AOPEP: variants seen among roughly 807,000 people sequenced by gnomAD.
AOPEP encodes aminopeptidase O (putative).
A neutral mutation model predicts 98.1 loss-of-function variants in AOPEP; 77 were observed. The observed-to-expected ratio is 0.78, with a 90% CI of 0.65 to 0.95. The LOEUF (loss-of-function observed/expected upper bound fraction) is 0.95, where lower values mean the gene tolerates loss of function less well. AOPEP is among the 40% of genes least tolerant of loss of function. The probability of loss-of-function intolerance (pLI) is 0.00; values close to 1 mark genes in which losing one functional copy is unlikely to be tolerated. For missense variants in AOPEP, 1,024 were observed against 1,024.7 expected (o/e 1.00, Z 0.01); for synonymous variants, 346 against 365.3 (o/e 0.95, Z 0.60).
intron 13 of AOPEP, among the ~76,000 whole-genome samples, chr9:95,046,607 A>T (rs575439597): frequency 7.9e-5 from 12 of 152,342 alleles, no homozygotes; most frequent in African/African-American, 2.4e-4. Flanking sequence ...ACACGAAGAG[A>T]TCGACCCAGC....
At chr9:95,017,188 C>T (rs962702553) in intron 13 of AOPEP, among the ~76,000 whole-genome samples, 5 of 151,636 alleles carry the variant, frequency 3.3e-5, no homozygotes, top group Non-Finnish European at 7.4e-5. Context: ...TTTTTTCTCC[C>T]TAACCATCAC....
intron 5 of AOPEP, among the ~76,000 whole-genome samples, chr9:94,917,186 G>T (rs968697675): frequency 6.6e-6 from 1 of 152,186 alleles, no homozygotes; most frequent in African/African-American, 2.4e-5. Context: ...CTCTCGGGAT[G>T]TGTTGCCCTG....
At chr9:95,111,772 C>T in the AOPEP span, 1 of 1,011,386 alleles carries the variant, frequency 9.9e-7, no homozygotes, top group Non-Finnish European at 1.5e-6. Flanking sequence ...GCAAGGAATA[C>T]AATTTAGATT....
intron 5 of AOPEP, among the ~76,000 whole-genome samples, chr9:94,848,547 G>A (rs942067471): frequency 6.6e-6 from 1 of 151,264 alleles, no homozygotes; most frequent in Non-Finnish European, 1.5e-5. Flanking sequence ...GCTTGAACCC[G>A]GGAGGCAGAA....
At chr9:94,927,862 G>A (rs2054597898) in intron 6 of AOPEP, among the ~76,000 whole-genome samples, 1 of 152,222 alleles carries the variant, frequency 6.6e-6, no homozygotes, top group African/African-American at 2.4e-5. Flanking sequence ...GTGTGGCCCA[G>A]TGAGCACACC....
At chr9:94,819,528 A>G (rs920631889) in intron 5 of AOPEP, among the ~76,000 whole-genome samples, 1 of 152,176 alleles carries the variant, frequency 6.6e-6, no homozygotes, top group Non-Finnish European at 1.5e-5. Flanking sequence ...GGTTGAGATA[A>G]TCTTGTAGGC....
intron 13 of AOPEP, among the ~76,000 whole-genome samples, chr9:95,032,762 G>C (rs921688367): frequency 6.6e-6 from 1 of 152,144 alleles, no homozygotes; most frequent in African/African-American, 2.4e-5. Context: ...ACTAAGTGAG[G>C]GGAGGGTGGT....
At chr9:94,914,564 G>A (rs1358484876) in intron 5 of AOPEP, among the ~76,000 whole-genome samples, 1 of 151,106 alleles carries the variant, frequency 6.6e-6, no homozygotes, top group Non-Finnish European at 1.5e-5. Flanking sequence ...GTGTGTGTAT[G>A]TACAGGATAA....
chr9:95,111,634 G>A, the AOPEP span: 1 of 1,614,152 alleles, frequency 6.2e-7, no homozygotes, highest in East Asian at 2.2e-5. Flanking sequence ...GACCTCCGCA[G>A]GACCTGGAAC....
At position 94,989,324 on chromosome 9, in the gene AOPEP, G is replaced by A. The variant is rs552625261; in HGVS notation, c.1977+9897G>A. On this transcript the variant is annotated intron_variant, in intron 11 of 16. Transcript: ENST00000375315. ...TCACTGTGTTAGCGAGGATGGTCTT[G>A]ATCTCCTGACCTCGAGATCCGCCCA... 3.3e-5 allele frequency among the ~76,000 whole-genome samples: 5 copies of A among 152,170 alleles called. No homozygotes were observed. The South Asian group carries it at 1.0e-3, about 32-fold the overall frequency.
chr9:94,980,122 C>T lies in AOPEP; in HGVS notation c.1977+695C>T, dbSNP rs2060091502. ...TCTGTGGAAATCACCTGGCCTGGAG[C>T]TCCTCTCCCCGTCCACTCTCCTCTG... On this transcript the variant is annotated intron_variant, in intron 11 of 16. Coordinates refer to ENST00000375315, the MANE Select transcript of AOPEP (RefSeq NM_001193329.3). This position sits in a 1 kb window ranked among gnomAD's most constrained non-coding sequence, Gnocchi z 4.3. Among the ~76,000 whole-genome samples the T allele has an allele frequency of 6.6e-6, 1 of 152,224 alleles. No individual in the cohort carries two copies.
intron 5 of AOPEP, among the ~76,000 whole-genome samples, chr9:94,865,864 C>G (rs941390136): frequency 2.6e-5 from 4 of 152,068 alleles, no homozygotes; most frequent in Non-Finnish European, 5.9e-5. Flanking sequence ...CATTTCCAAC[C>G]GCAAATTATA....
intron 14 of AOPEP, among the ~76,000 whole-genome samples, chr9:95,074,373 A>G (rs1309312807): frequency 1.3e-5 from 2 of 151,884 alleles, no homozygotes; most frequent in Non-Finnish European, 2.9e-5. Flanking sequence ...AGATTCCAAG[A>G]CCCTCCCACC....
At chr9:95,127,978 C>G in the AOPEP span, among the ~76,000 whole-genome samples, 2 of 152,244 alleles carry the variant, frequency 1.3e-5, no homozygotes, top group Admixed American at 1.3e-4. Context: ...TCATCCTTCA[C>G]TGATGTGCAT....
At chr9:94,943,729 G>A (rs1434303913) in intron 7 of AOPEP, among the ~76,000 whole-genome samples, 1 of 151,624 alleles carries the variant, frequency 6.6e-6, no homozygotes, top group African/African-American at 2.4e-5. Flanking sequence ...GACCAGCCTG[G>A]CCAACATGGT....
chr9:94,786,091 AG>A (rs1251123955), intron 3 of AOPEP, among the ~76,000 whole-genome samples: 1 of 152,218 alleles, frequency 6.6e-6, no homozygotes, highest in Non-Finnish European at 1.5e-5. Flanking sequence ...GTGAGCATCA[AG>A]GGTAGACAGC....
chr9:94,777,359 G>A (rs1410627496), intron 3 of AOPEP, among the ~76,000 whole-genome samples: 3 of 151,620 alleles, frequency 2.0e-5, no homozygotes, highest in African/African-American at 2.4e-5. Flanking sequence ...GTGAACCCGG[G>A]AGGCGGAGCT....
At chr9:94,837,480 C>T (rs892178183) in intron 5 of AOPEP, among the ~76,000 whole-genome samples, 8 of 152,262 alleles carry the variant, frequency 5.3e-5, no homozygotes, top group South Asian at 2.1e-4. Context: ...AGTTCAGTAT[C>T]CCTGATGAAC....
rs548980336 is a variant in AOPEP, at chr9:94,908,525, C to T, written c.1365-15461C>T. The stretch of plus-strand genomic sequence containing the variant: ...GCTAACATTTGTGGGATGTTTGCTG[C>T]GTGCCAGGTACTGGGCTGGCTGCTT... On this transcript the variant is annotated intron_variant, in intron 5 of 16. Transcript: ENST00000375315. Among the ~76,000 whole-genome samples the T allele has an allele frequency of 5.3e-5, 8 of 152,292 alleles. No homozygotes were observed. In the South Asian group the frequency reaches 6.2e-4, roughly 12 times the overall value.
Sources: allele counts gnomAD v4.1 joint callset (sites outside exome capture counted in the v4.1 genomes callset), GRCh38; gene constraint gnomAD v4.1.1; non-coding constraint Gnocchi (gnomAD v3.1); transcripts MANE v1.5; gene names NCBI Gene and HGNC (gene_info 2026-07-23, HGNC 2026-07-21).